The following ANGPTL2 variants were observed in gnomAD, a reference collection of about 807,000 sequenced individuals.
The protein encoded by ANGPTL2 is angiopoietin-related protein 2.
A neutral mutation model predicts 52.8 loss-of-function variants in ANGPTL2; 25 were observed. That is an observed-to-expected ratio of 0.47 (90% CI 0.35 to 0.66). ANGPTL2 has a LOEUF of 0.66. Ranked by LOEUF, ANGPTL2 falls within the 30% of genes least tolerant of loss-of-function variation. The probability of loss-of-function intolerance (pLI) is 0.01; values close to 1 mark genes in which losing one functional copy is unlikely to be tolerated. For synonymous variants in ANGPTL2, 276 were observed against 277.4 expected, an observed-to-expected ratio of 1.00 and a Z score of 0.05; for missense variants, 546 against 656.9, an observed-to-expected ratio of 0.83 and a Z score of 1.84.
At chr9:127,092,351 C>T (rs2052587247) in intron 3 of ANGPTL2, among the ~76,000 whole-genome samples, 1 of 152,110 alleles carries the variant, frequency 6.6e-6, no homozygotes, top group African/African-American at 2.4e-5. Context: ...GTGAGGGTCA[C>T]GTGTAAGCTG....
chr9:127,113,672 A>G (rs1410306432), intron 1 of ANGPTL2, among the ~76,000 whole-genome samples: 4 of 152,172 alleles, frequency 2.6e-5, no homozygotes, highest in Admixed American at 2.6e-4. Flanking sequence ...GCTTTTCCAC[A>G]TTGTATTGTG....
Position 127,090,536 on chromosome 9 carries a change from A to G in ANGPTL2, c.1282+1134T>C, listed in dbSNP as rs555785082. 4.5e-4 allele frequency among the ~76,000 whole-genome samples: 69 copies of G among 152,314 alleles called. 1 individual carries two copies. Among genetic ancestry groups the G allele is most frequent in the African/African-American group, 1.5e-3 (64 of 41,580 alleles). Reference sequence around the variant, plus strand: ...GTCCCTCCTGTCCCCTGATGTTGGGAGAATTACCCTTCAGAATGTGGCTGC... The same window carrying G: ...GTCCCTCCTGTCCCCTGATGTTGGGGGAATTACCCTTCAGAATGTGGCTGC... On this transcript the variant is annotated intron_variant, in intron 4 of 4. Coordinates refer to ENST00000373425, the MANE Select transcript of ANGPTL2 (RefSeq NM_012098.3).
chr9:127,119,461 C>T (rs981047839), intron 1 of ANGPTL2, among the ~76,000 whole-genome samples: 3 of 152,194 alleles, frequency 2.0e-5, no homozygotes, highest in Non-Finnish European at 2.9e-5. Context: ...AAGTCAGGGG[C>T]TTTGGAGCCA....
chr9:127,108,292 C>G lies in ANGPTL2; in HGVS notation c.440G>C (p.Arg147Pro). 5 of 1,613,948 alleles carry G rather than the reference C, an allele frequency of 3.1e-6. No individual in the cohort carries two copies. Among genetic ancestry groups the G allele is most frequent in the Non-Finnish European group, 4.2e-6 (5 of 1,179,972 alleles). The stretch of plus-strand genomic sequence containing the variant: ...GAGCTCCAACGCGTTGTCCCGCTTG[C>G]GGATGATCTCGTGCAGGAGCTGCAT... ...LYMQLLHEII[R>P]KRDNALELSQ... The change falls in exon 2 of 5, where the codon CGC (arginine) becomes CCC (proline). Residue 147 changes from arginine to proline, a missense_variant. Physicochemically the swap from Arg to Pro is moderately radical, Grantham distance 103. Transcript: ENST00000373425.
chr9:127,115,848 G>A (rs1200688175), intron 1 of ANGPTL2, among the ~76,000 whole-genome samples: 1 of 152,228 alleles, frequency 6.6e-6, no homozygotes, highest in East Asian at 1.9e-4. Flanking sequence ...TCACCTTGGA[G>A]AACCTGGTGA....
At chr9:127,118,053 A>G (rs1352615081) in intron 1 of ANGPTL2, among the ~76,000 whole-genome samples, 1 of 152,172 alleles carries the variant, frequency 6.6e-6, no homozygotes, top group African/African-American at 2.4e-5. Flanking sequence ...CCCCACACCC[A>G]ACATTTTATT....
In ANGPTL2 at chr9:127,089,098, G is replaced by T. The variant is rs759635513; in HGVS notation, c.1323C>A (p.Asn441Lys). ...CGTTGAGGTTGGAGTGGGCACAGGC[G>T]TTATACCACCAGCCTCCCTTCTGGT... ...AHYQKGGWWY[N>K]ACAHSNLNGV... The change falls in exon 5 of 5, where the codon AAC becomes AAA. Residue 441 changes from asparagine to lysine, a missense_variant. Asn to Lys is a moderately conservative substitution (Grantham distance 94). Around this residue, in one of 2 missense-constraint regions of ANGPTL2, gnomAD observed 261 missense variants for 361.0 expected, o/e 0.72. Coordinates refer to ENST00000373425, the MANE Select transcript of ANGPTL2 (RefSeq NM_012098.3). The T allele has an allele frequency of 2.5e-6, 4 of 1,614,090 alleles. No homozygotes were observed. Among genetic ancestry groups the T allele is most frequent in the African/African-American group, 1.3e-5 (1 of 74,938 alleles).
intron 1 of ANGPTL2, among the ~76,000 whole-genome samples, chr9:127,121,927 C>G (rs898248239): frequency 6.6e-6 from 1 of 152,200 alleles, no homozygotes; most frequent in Non-Finnish European, 1.5e-5. Context: ...CTACCCAAGT[C>G]CTTGGGCCAC....
intron 1 of ANGPTL2, among the ~76,000 whole-genome samples, chr9:127,111,782 C>T (rs1372887572): frequency 6.6e-6 from 1 of 152,142 alleles, no homozygotes; most frequent in Non-Finnish European, 1.5e-5. Flanking sequence ...AGTGACTTGC[C>T]CAAAATCAGA....
rs1464173051 is a variant in ANGPTL2 at position 127,108,507 on chromosome 9, C to G, written c.225G>C (p.Glu75Asp). The change falls in exon 2 of 5, where the codon GAG becomes GAC. Residue 75 changes from glutamate (E) to aspartate (D), a missense_variant. By Grantham distance (45) the Glu-to-Asp change is conservative (BLOSUM62 2). Transcript: ENST00000373425. Reference sequence around the variant, plus strand: ...CTCGGTTCTCCAGAAGCACCTCAGGCTCCTTGGAGTTGACGCAGATGGCAC... The same window carrying G: ...CTCGGTTCTCCAGAAGCACCTCAGGGTCCTTGGAGTTGACGCAGATGGCAC... ...VTGAICVNSK[E>D]PEVLLENRVH... The G allele has an allele frequency of 1.9e-6, 3 of 1,612,920 alleles. No homozygotes were observed. The highest frequency in any genetic ancestry group is 1.3e-5 in the African/African-American group (1 of 74,494).
At chr9:127,115,233 A>G (rs962367658) in intron 1 of ANGPTL2, among the ~76,000 whole-genome samples, 3 of 152,098 alleles carry the variant, frequency 2.0e-5, no homozygotes, top group African/African-American at 7.2e-5. Flanking sequence ...CTTGTCACCC[A>G]GGCTGGAGTG....
rs141262237 is a variant in ANGPTL2 at position 127,107,927 on chromosome 9, C to T, written c.805G>A (p.Asp269Asn). 3.0e-5 allele frequency: 46 copies of T among 1,531,834 alleles called. 1 individual carries two copies. The African/African-American group carries it at 5.4e-4, about 18-fold the overall frequency. 94.9% of individuals were successfully genotyped at this position (1,531,834 alleles called of 1,614,324 possible). The stretch of plus-strand genomic sequence containing the variant: ...CAGAAGCACTTACCCGACGGCTTGT[C>T]GGTGGAAGATGGGAGGCTGGTGAGA... ...PTLTSLPSST[D>N]KPSGPWRDCL... The change falls in exon 2 of 5, where the codon GAC becomes AAC. Residue 269 changes from aspartate to asparagine, a missense_variant. Around this residue, in one of 2 missense-constraint regions of ANGPTL2, gnomAD observed 261 missense variants for 361.0 expected, o/e 0.72. Coordinates refer to ENST00000373425, the MANE Select transcript of ANGPTL2 (RefSeq NM_012098.3).
chr9:127,098,620 C>G (rs146108704), intron 2 of ANGPTL2, among the ~76,000 whole-genome samples: 2 of 152,174 alleles, frequency 1.3e-5, no homozygotes, highest in Non-Finnish European at 1.5e-5. Context: ...CCGGACCCCA[C>G]TGCCATACCC....
chr9:127,106,788 C>G (rs770000213), intron 2 of ANGPTL2: 1 of 152,272 alleles, frequency 6.6e-6, no homozygotes, highest in Non-Finnish European at 1.5e-5. Context: ...GGTTCAGCCC[C>G]TCTTTGGAAT....
At chr9:127,096,771 A>G (rs907548355) in intron 2 of ANGPTL2, among the ~76,000 whole-genome samples, 1 of 152,246 alleles carries the variant, frequency 6.6e-6, no homozygotes, top group Admixed American at 6.5e-5. Flanking sequence ...ATGGATTCCC[A>G]AAGTCCCAGG....
chr9:127,110,941 C>T (rs965748599), intron 1 of ANGPTL2, among the ~76,000 whole-genome samples: 1 of 152,160 alleles, frequency 6.6e-6, no homozygotes, highest in Non-Finnish European at 1.5e-5. Context: ...CTCAACTTCA[C>T]AGCCAGAGTG....
At chr9:127,119,029 A>G (rs1225748899) in intron 1 of ANGPTL2, among the ~76,000 whole-genome samples, 2 of 152,308 alleles carry the variant, frequency 1.3e-5, no homozygotes, top group Non-Finnish European at 2.9e-5. Flanking sequence ...TCTTAGTCAC[A>G]TGGACCAGTG....
chr9:127,091,673 T>C lies in ANGPTL2; in HGVS notation c.1279A>G (p.Thr427Ala), dbSNP rs758172776. 1.2e-6 allele frequency: 2 copies of C among 1,613,538 alleles called. No homozygotes were observed. Among genetic ancestry groups the C allele is most frequent in the South Asian group, 1.1e-5 (1 of 91,048 alleles). The change falls in exon 4 of 5, where the codon ACA becomes GCA. Residue 427 changes from threonine to alanine, a missense_variant. Transcript: ENST00000373425. The surrounding 1 kb of genome is among the most constrained non-coding windows in gnomAD (Gnocchi z 4.3). ...TTLDRDHDVYTGNCAHYQKGG... is the reference protein window; with the variant it reads ...TTLDRDHDVYAGNCAHYQKGG... ...GGTTTGACTCCACTTTTCCTACCTG[T>C]GTAGACATCATGATCTCTGTCCAGG...
Position 127,091,317 on chromosome 9 carries a change from GTT to G in ANGPTL2, c.1282+351_1282+352del, listed in dbSNP as rs1397766812. 6.6e-6 allele frequency among the ~76,000 whole-genome samples: 1 copy of G among 152,246 alleles called. No homozygotes were observed. Among genetic ancestry groups the G allele is most frequent in the Non-Finnish European group, 1.5e-5 (1 of 68,042 alleles). The stretch of plus-strand genomic sequence containing the variant: ...GTGTGGCCCAGAGCCTACGCAGTTG[GTT>G]AGCTCTATACCAGGTGCCTGGGACA... On this transcript the variant is annotated intron_variant, in intron 4 of 4. Transcript: ENST00000373425. This position sits in a 1 kb window ranked among gnomAD's most constrained non-coding sequence, Gnocchi z 4.3.
Sources: allele counts gnomAD v4.1 joint callset (sites outside exome capture counted in the v4.1 genomes callset), GRCh38; gene constraint gnomAD v4.1.1; regional missense constraint gnomAD v4.1.1; non-coding constraint Gnocchi (gnomAD v3.1); transcripts MANE v1.5; gene names NCBI Gene and HGNC (gene_info 2026-07-23, HGNC 2026-07-21).